FAM47E: variants seen among roughly 807,000 people sequenced by gnomAD.
FAM47E encodes the protein protein FAM47E.
A neutral mutation model predicts 41.6 loss-of-function variants in FAM47E; 32 were observed. The ratio of observed to expected loss-of-function variants is 0.77; its 90% CI spans 0.58 to 1.03. The LOEUF is 1.03. Among genes scored for constraint, FAM47E ranks in the 50% least tolerant of loss-of-function variants. FAM47E has a pLI of 0.00. For missense variants in FAM47E, 424 were observed against 485.4 expected (o/e 0.87, Z 1.19); for synonymous variants, 184 against 188.7 (o/e 0.98, Z 0.20).
intron 4 of FAM47E, among the ~76,000 whole-genome samples, chr4:76,270,263 A>T (rs927755566): frequency 9.2e-5 from 14 of 152,216 alleles, no homozygotes; most frequent in African/African-American, 2.9e-4. Flanking sequence ...CCAGCGAGCA[A>T]CCTAAGTGTG....
intron 2 of FAM47E, among the ~76,000 whole-genome samples, chr4:76,220,615 C>T (rs1333672995): frequency 6.6e-6 from 1 of 152,148 alleles, no homozygotes; most frequent in African/African-American, 2.4e-5. Context: ...AGAGCTAGAT[C>T]CTGTCTCTTA....
chr4:76,224,830 G>A (rs7665857), intron 2 of FAM47E, among the ~76,000 whole-genome samples: 46,796 of 151,872 alleles, frequency 0.31, 7,366 homozygotes, highest in African/African-American at 0.38. Flanking sequence ...GGAGATTTCT[G>A]AGATTTTGGT....
intron 3 of FAM47E, among the ~76,000 whole-genome samples, chr4:76,266,989 A>G (rs1290540595): frequency 1.3e-5 from 2 of 151,772 alleles, no homozygotes; most frequent in African/African-American, 4.9e-5. Flanking sequence ...ACTTCTCTGT[A>G]TAAATAAAAT....
rs1399244880 is a variant in FAM47E at position 76,271,634 on chromosome 4, AGCCAT to A, written c.738_742del (p.Ser246ArgfsTer18). The A allele has an allele frequency of 1.9e-6, 3 of 1,552,254 alleles. No individual in the cohort carries two copies. In the South Asian group the frequency reaches 3.6e-5, roughly 18 times the overall value. On this transcript the variant is annotated frameshift_variant, in exon 5 of 8. Coordinates refer to ENST00000424749, the MANE Select transcript of FAM47E (RefSeq NM_001136570.3). LOFTEE classifies it high-confidence loss of function. ...TGACATTGACTATGAGACCAAACCA[AGCCAT>A]GATGCGCTCCACACGATGAAGCTAA...
chr4:76,239,164 C>T (rs1018151369), intron 2 of FAM47E, among the ~76,000 whole-genome samples: 8 of 152,200 alleles, frequency 5.3e-5, no homozygotes, highest in Non-Finnish European at 1.0e-4. Context: ...TCTGCTTCCA[C>T]ATTTTAACTA....
At chr4:76,264,224 T>G (rs1283863874) in intron 3 of FAM47E, among the ~76,000 whole-genome samples, 1 of 152,066 alleles carries the variant, frequency 6.6e-6, no homozygotes, top group African/African-American at 2.4e-5. Flanking sequence ...TCATCCTTTG[T>G]GCCCCAAGAA....
intron 2 of FAM47E, among the ~76,000 whole-genome samples, chr4:76,220,209 AGT>A (rs1204549144): frequency 2.6e-5 from 4 of 152,246 alleles, no homozygotes; most frequent in African/African-American, 4.8e-5. Context: ...CTTGTAAACC[AGT>A]GTTCATAGCA....
Position 76,278,222 on chromosome 4 carries a change from C to T in FAM47E, c.1024C>T (p.Gln342Ter), listed in dbSNP as rs1735209171. 5 of 1,537,092 alleles carry T rather than the reference C, an allele frequency of 3.3e-6. No individual in the cohort carries two copies. The highest frequency in any genetic ancestry group is 2.8e-5 in the African/African-American group (2 of 72,182). The change falls in exon 6 of 8, where the codon CAG becomes TAG. Residue 342 changes from glutamine to a stop codon, truncating the protein, a stop_gained and splice_region_variant. Transcript: ENST00000424749. LOFTEE classifies it high-confidence loss of function. Reference protein sequence around the residue: ...EENFKKELQEQEELLADLHGT... With the variant: ...EENFKKELQE ...GAATTTTAAAAAGGAGCTGCAGGAA[C>T]AGGTATGTATTTATACTGAGATTTG...
At chr4:76,225,078 G>C (rs1560728483) in intron 2 of FAM47E, among the ~76,000 whole-genome samples, 1 of 152,138 alleles carries the variant, frequency 6.6e-6, no homozygotes, top group Admixed American at 6.6e-5. Context: ...TTAGAATAAT[G>C]ATCTCCAACT....
intron 5 of FAM47E, among the ~76,000 whole-genome samples, chr4:76,277,706 C>T (rs1005342705): frequency 2.0e-5 from 3 of 152,140 alleles, no homozygotes; most frequent in African/African-American, 7.2e-5. Context: ...TACATACATT[C>T]TCTCCTTTAA....
At chr4:76,232,431 A>G (rs1257208644) in intron 2 of FAM47E, among the ~76,000 whole-genome samples, 2 of 152,210 alleles carry the variant, frequency 1.3e-5, no homozygotes, top group East Asian at 3.8e-4. Context: ...AAAAGGATTA[A>G]AACAAGACAA....
At chr4:76,245,316 G>C (rs777716085) in intron 2 of FAM47E, among the ~76,000 whole-genome samples, 1 of 152,118 alleles carries the variant, frequency 6.6e-6, no homozygotes, top group South Asian at 2.1e-4. Context: ...CCAAACAGGG[G>C]ACATAGGTAA....
intron 2 of FAM47E, among the ~76,000 whole-genome samples, chr4:76,222,922 G>T (rs568494759): frequency 1.1e-4 from 17 of 152,178 alleles, no homozygotes; most frequent in Non-Finnish European, 7.3e-5. Context: ...GAAAGGCAGG[G>T]GGGGAAGAGG....
chr4:76,217,691 A>T, intron 2 of FAM47E: 1 of 620,572 alleles, frequency 1.6e-6, no homozygotes, highest in East Asian at 2.8e-5. Context: ...AATCTCAGGT[A>T]TTGTTATAGC....
At chr4:76,272,616 A>T (rs1027709213) in intron 5 of FAM47E, among the ~76,000 whole-genome samples, 1 of 152,166 alleles carries the variant, frequency 6.6e-6, no homozygotes, top group African/African-American at 2.4e-5. Context: ...GCATTTCATC[A>T]TGAATATCAG....
intron 2 of FAM47E, among the ~76,000 whole-genome samples, chr4:76,243,956 T>C (rs1224673687): frequency 6.6e-6 from 1 of 152,152 alleles, no homozygotes; most frequent in African/African-American, 2.4e-5. Flanking sequence ...TATGTTCTCA[T>C]TGTTCAACTC....
At chr4:76,235,619 C>T (rs930743115) in intron 2 of FAM47E, among the ~76,000 whole-genome samples, 3 of 152,144 alleles carry the variant, frequency 2.0e-5, no homozygotes, top group Non-Finnish European at 2.9e-5. Context: ...TAGGGATTCC[C>T]AGTTAAGGGC....
At chr4:76,277,476 C>T (rs188388547) in intron 5 of FAM47E, among the ~76,000 whole-genome samples, 8 of 146,554 alleles carry the variant, frequency 5.5e-5, no homozygotes, top group African/African-American at 1.8e-4. Flanking sequence ...GGCGACAGAG[C>T]GAGACTCCGT....
chr4:76,249,898 T>C (rs186447046), upstream of FAM47E, among the ~76,000 whole-genome samples: 344 of 152,228 alleles, frequency 2.3e-3, 2 homozygotes, highest in African/African-American at 8.0e-3. Flanking sequence ...TGAATGTTAT[T>C]CCATTATATA....
Sources: allele counts gnomAD v4.1 joint callset (sites outside exome capture counted in the v4.1 genomes callset), GRCh38; gene constraint gnomAD v4.1.1; transcripts MANE v1.5; gene names NCBI Gene and HGNC (gene_info 2026-07-23, HGNC 2026-07-21).